TPTE2: variants seen among roughly 807,000 people sequenced by gnomAD.
The protein encoded by TPTE2 is transmembrane phosphoinositide 3-phosphatase and tensin homolog 2.
TPTE2 carries 53 observed loss-of-function variants against 78.6 expected under a neutral mutation model. The observed-to-expected ratio is 0.67, with a 90% confidence interval of 0.54 to 0.85. The LOEUF (loss-of-function observed/expected upper bound fraction) is 0.85, where lower values mean the gene tolerates loss of function less well. TPTE2 is among the 40% of genes least tolerant of loss of function. The pLI, the probability that TPTE2 is intolerant of heterozygous loss-of-function variation, is 0.00. For synonymous variants in TPTE2, 175 were observed against 206.2 expected (o/e 0.85, Z 1.30); for missense variants, 461 against 623.0 (o/e 0.74, Z 2.77).
intron 1 of TPTE2, among the ~76,000 whole-genome samples, chr13:19,510,059 A>G (rs1869326040): frequency 6.6e-6 from 1 of 152,250 alleles, no homozygotes; most frequent in African/African-American, 2.4e-5. Context: ...AAGTAAAATA[A>G]TAAGGCAAAA....
intron 13 of TPTE2, among the ~76,000 whole-genome samples, chr13:19,449,713 A>T (rs1346730820): frequency 6.6e-6 from 1 of 152,212 alleles, no homozygotes; most frequent in African/African-American, 2.4e-5. Context: ...AATAAAAAAG[A>T]TCAGCCTTAA....
Position 19,486,379 on chromosome 13 carries a change from TCAGGGTAGGGGTGTGTG to T in TPTE2, c.120-3849_120-3833del, listed in dbSNP as rs1880662157. On this transcript the variant is annotated intron_variant, in intron 3 of 19. Transcript: ENST00000400230. The surrounding 1 kb of genome is among the most constrained non-coding windows in gnomAD (Gnocchi z 4.3). Reference sequence around the variant, plus strand: ...AGGGGTGGGCTCACTGGGCTGTTTCTCAGGGTAGGGGTGTGTGCAGGCATACACTGGGTCAGAAAACT... The same window carrying T: ...AGGGGTGGGCTCACTGGGCTGTTTCTCAGGCATACACTGGGTCAGAAAACT... Among the ~76,000 whole-genome samples the T allele has an allele frequency of 6.6e-6, 1 of 152,146 alleles. No individual in the cohort carries two copies. Among genetic ancestry groups the T allele is most frequent in the Non-Finnish European group, 1.5e-5 (1 of 68,000 alleles).
chr13:19,481,658 G>A (rs751138213), intron 4 of TPTE2, among the ~76,000 whole-genome samples: 4 of 151,960 alleles, frequency 2.6e-5, no homozygotes, highest in African/African-American at 7.3e-5. Context: ...ATTTTGTTTC[G>A]GCCCTGGGCA....
chr13:19,428,611 G>A lies in TPTE2; in HGVS notation c.1302+1857C>T, dbSNP rs566690747. ...AGCCTGGGCAACATAGCAAGTCCCA[G>A]GCTCTACAAAAAATAAAAAAAATTA... On this transcript the variant is annotated intron_variant, in intron 17 of 19. Coordinates refer to ENST00000400230, the Ensembl canonical transcript of TPTE2. Among the ~76,000 whole-genome samples, 733 of 151,916 alleles carry A rather than the reference G, an allele frequency of 4.8e-3. 2 individuals carry two copies. The highest frequency in any genetic ancestry group is 0.01 in the Middle Eastern group (3 of 294).
chr13:19,511,885 G>T (rs1289837874), intron 1 of TPTE2, among the ~76,000 whole-genome samples: 20 of 151,992 alleles, frequency 1.3e-4, no homozygotes, highest in African/African-American at 2.9e-4. Flanking sequence ...ATTTTGTAAT[G>T]ATCACAGTTA....
intron 4 of TPTE2, among the ~76,000 whole-genome samples, chr13:19,479,526 G>T (rs1402374961): frequency 6.7e-6 from 1 of 148,742 alleles, no homozygotes; most frequent in East Asian, 1.9e-4. Context: ...TAAAGAAAAA[G>T]ATGATAAATA....
intron 1 of TPTE2, among the ~76,000 whole-genome samples, chr13:19,525,491 C>T (rs1870442358): frequency 1.3e-5 from 2 of 152,110 alleles, no homozygotes; most frequent in African/African-American, 2.4e-5. Context: ...ACTGACTAGC[C>T]ATATGCAGAA....
At chr13:19,425,442 C>A (rs1875958820) in intron 18 of TPTE2, among the ~76,000 whole-genome samples, 1 of 152,168 alleles carries the variant, frequency 6.6e-6, no homozygotes, top group Admixed American at 6.5e-5. Flanking sequence ...GGTTCAGTCA[C>A]CCTCAGCAGT....
Position 19,426,279 on chromosome 13 carries a change from C to T in TPTE2, c.1395+146G>A, listed in dbSNP as rs552440863. 8.7e-4 allele frequency: 552 copies of T among 631,224 alleles called. 1 individual carries two copies. The highest frequency in any genetic ancestry group is 1.2e-3 in the South Asian group (67 of 57,976). 39.1% of individuals were successfully genotyped at this position (631,224 alleles called of 1,614,324 possible). A position where few individuals can be genotyped will look rare whatever the true frequency, so the allele number is the denominator to read the frequency against. On this transcript the variant is annotated intron_variant, in intron 18 of 19. Transcript: ENST00000400230. ...ACACAAATTATTTAAATTACATACG[C>T]TCTTTTAAAAAAATTTGTTATAGAT... is the stretch of plus-strand genomic sequence containing the variant.
chr13:19,491,743 T>G (rs1433274893), intron 3 of TPTE2, among the ~76,000 whole-genome samples: 5 of 152,102 alleles, frequency 3.3e-5, no homozygotes, highest in Non-Finnish European at 7.4e-5. Context: ...GAAAATCGCT[T>G]GAACCCGGGA....
At chr13:19,475,257 G>T (rs1391438296) in intron 5 of TPTE2, among the ~76,000 whole-genome samples, 3 of 148,466 alleles carry the variant, frequency 2.0e-5, no homozygotes, top group African/African-American at 7.5e-5. Flanking sequence ...ATGGAGTCTT[G>T]CTGTGTCGCC....
At chr13:19,544,135 TTAAATG>T in the TPTE2 span, among the ~76,000 whole-genome samples, 1 of 140,594 alleles carries the variant, frequency 7.1e-6, no homozygotes. Context: ...AAATAATACT[TTAAATG>T]TAAATAATCT....
chr13:19,504,726 G>C (rs1229742212), upstream of TPTE2, among the ~76,000 whole-genome samples: 1 of 152,062 alleles, frequency 6.6e-6, no homozygotes, highest in Non-Finnish European at 1.5e-5. Context: ...GACCTGCAGG[G>C]CCTATAGTGA....
At chr13:19,424,383 A>G (rs1468267464) in intron 19 of TPTE2, among the ~76,000 whole-genome samples, 1 of 152,216 alleles carries the variant, frequency 6.6e-6, no homozygotes, top group African/African-American at 2.4e-5. Flanking sequence ...AATTTTTCAG[A>G]AAGTTTTCCC....
rs576486071 is a variant in TPTE2 at position 19,529,361 on chromosome 13, A to G, written c.-44+7235T>C. Among the ~76,000 whole-genome samples the G allele has an allele frequency of 9.9e-5, 15 of 152,162 alleles. No homozygotes were observed. The East Asian group carries it at 1.8e-3, about 18-fold the overall frequency. On this transcript the variant is annotated intron_variant, in intron 1 of 17. Coordinates refer to the TPTE2 transcript ENST00000390680. The stretch of plus-strand genomic sequence containing the variant: ...AGGCTGGTCTCCAACTCCTGACCTC[A>G]GGTGATCCGCCCGCCTCAGCCTCCC...
intron 10 of TPTE2, among the ~76,000 whole-genome samples, chr13:19,462,447 G>A (rs1333944450): frequency 6.6e-6 from 1 of 151,066 alleles, no homozygotes; most frequent in East Asian, 1.9e-4. Flanking sequence ...CTACTGACCT[G>A]TAAAGTTTCC....
At chr13:19,450,373 T>A in intron 11 of TPTE2, 29 bp from the exon 15 acceptor site, 2 of 1,565,356 alleles carry the variant, frequency 1.3e-6, no homozygotes, top group Non-Finnish European at 1.8e-6. Flanking sequence ...ATGTCATATC[T>A]CTATAGGGAA....
intron 13 of TPTE2, chr13:19,438,377 A>C (rs199819925): frequency 1.0e-6 from 1 of 984,920 alleles, no homozygotes. Context: ...ATCTCTCACC[A>C]TCTCTCCACA....
At chr13:19,473,819 C>G in intron 6 of TPTE2, 95 bp downstream of exon 9, 1 of 1,131,012 alleles carries the variant, frequency 8.8e-7, no homozygotes. Flanking sequence ...TTGTGTCGAA[C>G]TCCTGACCTT....
Sources: gnomAD v4.1 joint callset for allele counts (sites outside exome capture counted in the v4.1 genomes callset) on GRCh38, gnomAD v4.1.1 for gene constraint, Gnocchi (gnomAD v3.1) non-coding constraint, MANE v1.5 for transcripts, NCBI Gene and HGNC (gene_info 2026-07-23, HGNC 2026-07-21) for gene names.